Variants in USP45 observed in about 807,000 individuals in gnomAD.
The protein encoded by USP45 is ubiquitin carboxyl-terminal hydrolase 45.
In USP45, 89 loss-of-function variants were observed where a neutral mutation model predicts 95.8. The observed-to-expected ratio is 0.93, with a 90% CI of 0.78 to 1.11. USP45 has a LOEUF of 1.11. Ranked by LOEUF, USP45 falls within the 50% of genes least tolerant of loss-of-function variation. USP45 has a pLI of 0.00. For synonymous variants in USP45, 281 were observed against 316.2 expected, an observed-to-expected ratio of 0.89 and a Z score of 1.18; for missense variants, 898 against 942.5, an observed-to-expected ratio of 0.95 and a Z score of 0.62.
rs1183987057 is a variant in USP45 at position 99,435,041 on chromosome 6, TG to T, written c.*674del. 6.6e-6 allele frequency: 1 copy of T among 152,626 alleles called. No individual in the cohort carries two copies. Among genetic ancestry groups the T allele is most frequent in the African/African-American group, 2.4e-5 (1 of 41,458 alleles). The allele number at this position is 152,626 out of a possible 1,614,324, so 9.5% of individuals were successfully genotyped here. A position where few individuals can be genotyped will look rare whatever the true frequency, so the allele number is the denominator to read the frequency against. On this transcript the variant is annotated 3_prime_UTR_variant, in exon 18 of 18. Transcript: ENST00000500704. The stretch of plus-strand genomic sequence containing the variant: ...GAAATTACAGTGACACCCTTTTATA[TG>T]GTTGAATTGTATAAAATATGACCAG...
intron 16 of USP45, 120 bp from the exon 17 acceptor site, chr6:99,437,519 TC>T: frequency 9.3e-7 from 1 of 1,070,548 alleles, no homozygotes; most frequent in Non-Finnish European, 1.3e-6. Context: ...TGAGATACTT[TC>T]CATACTTACT....
chr6:99,466,644 A>G, intron 11 of USP45, 28 bp downstream of exon 11: 3 of 1,532,350 alleles, frequency 2.0e-6, no homozygotes, highest in Non-Finnish European at 2.7e-6. Flanking sequence ...AATCCATTCC[A>G]TGCTGAATTG....
chr6:99,443,366 T>A (rs946839329), intron 15 of USP45, among the ~76,000 whole-genome samples, 199 bp downstream of exon 15: 1 of 152,174 alleles, frequency 6.6e-6, no homozygotes, highest in Non-Finnish European at 1.5e-5. Context: ...CTGCCTAAAT[T>A]TTCAAATATT....
chr6:99,496,771 T>G (rs563697744), intron 5 of USP45, among the ~76,000 whole-genome samples: 53 of 152,182 alleles, frequency 3.5e-4, no homozygotes, highest in African/African-American at 1.3e-3. Flanking sequence ...AAAAAAAAAT[T>G]TTTTTTCAAG....
At chr6:99,500,810 T>C (rs1047949635) in intron 5 of USP45, among the ~76,000 whole-genome samples, 2 of 152,160 alleles carry the variant, frequency 1.3e-5, no homozygotes, top group African/African-American at 4.8e-5. Flanking sequence ...AAATGTTTGT[T>C]GAATAAGTAA....
chr6:99,445,898 T>C lies in USP45; in HGVS notation c.1874A>G (p.Tyr625Cys). The C allele has an allele frequency of 6.2e-7, 1 of 1,613,940 alleles. No individual in the cohort carries two copies. Among genetic ancestry groups the C allele is most frequent in the South Asian group, 1.1e-5 (1 of 91,040 alleles). ...SKECSIQSCLYQFTSMELLMG... is the reference protein window; with the variant it reads ...SKECSIQSCLCQFTSMELLMG... ...TAGTAATTCCATAGATGTAAACTGGTAGAGACAGGACTGAATTGAACATTC... is the reference window on the plus strand; with the variant it reads ...TAGTAATTCCATAGATGTAAACTGGCAGAGACAGGACTGAATTGAACATTC... The change falls in exon 14 of 18, where the codon TAC (tyrosine) becomes TGC (cysteine). Residue 625 changes from tyrosine (Y) to cysteine (C), a missense_variant. Coordinates refer to ENST00000500704, the MANE Select transcript of USP45 (RefSeq NM_001346022.3).
At chr6:99,479,179 CACACACAT>C (rs1257360142) in intron 8 of USP45, among the ~76,000 whole-genome samples, 35 of 141,944 alleles carry the variant, frequency 2.5e-4, no homozygotes, top group African/African-American at 8.6e-4. Context: ...CACACACACA[CACACACAT>C]ACACAAAGTG....
At chr6:99,462,854 T>C (rs4555918) in intron 13 of USP45, 91,888 of 197,866 alleles carry the variant, frequency 0.46, 22,567 homozygotes, top group Non-Finnish European at 0.53. Flanking sequence ...CATGGTGGTG[T>C]GCACATGTAG....
chr6:99,514,523 C>G (rs568854405), intron 1 of USP45, among the ~76,000 whole-genome samples: 14 of 152,292 alleles, frequency 9.2e-5, no homozygotes, highest in Non-Finnish European at 1.9e-4. Context: ...GGCCATTTTT[C>G]TCATGCGGTT....
chr6:99,459,830 T>C (rs1468400100), intron 13 of USP45, among the ~76,000 whole-genome samples: 4 of 152,142 alleles, frequency 2.6e-5, no homozygotes, highest in Admixed American at 1.3e-4. Context: ...TTTAGAAATA[T>C]TGCCCTGTCT....
rs1365637367 is a variant in USP45, at chr6:99,434,622, A to C, written c.*1094T>G. The C allele has an allele frequency of 6.6e-6, 1 of 152,224 alleles. No homozygotes were observed. The highest frequency in any genetic ancestry group is 1.9e-4 in the East Asian group (1 of 5,204). 9.4% of individuals were successfully genotyped at this position (152,224 alleles called of 1,614,324 possible). A position where few individuals can be genotyped will look rare whatever the true frequency, so the allele number is the denominator to read the frequency against. ...ATCAAAAATGCCAGCTTAATGCCCCATTAAAAGCTAAATTCACCTGAACTT... is the reference window on the plus strand; with the variant it reads ...ATCAAAAATGCCAGCTTAATGCCCCCTTAAAAGCTAAATTCACCTGAACTT... On this transcript the variant is annotated 3_prime_UTR_variant, in exon 18 of 18. Transcript: ENST00000500704.
intron 16 of USP45, among the ~76,000 whole-genome samples, chr6:99,438,021 C>T (rs1780829732): frequency 6.6e-6 from 1 of 152,184 alleles, no homozygotes; most frequent in African/African-American, 2.4e-5. Context: ...ATTCATTAAT[C>T]CTTTTTCTAG....
chr6:99,491,029 T>C (rs1795055658), intron 5 of USP45, among the ~76,000 whole-genome samples: 1 of 152,236 alleles, frequency 6.6e-6, no homozygotes, highest in Admixed American at 6.5e-5. Flanking sequence ...TGGTTGTTAT[T>C]GGAATGTGTT....
chr6:99,435,900 C>T (rs1028262889), intron 17 of USP45, 54 bp from the exon 18 acceptor site: 1 of 1,513,834 alleles, frequency 6.6e-7, no homozygotes. Flanking sequence ...TAGGTTCTTA[C>T]TCTAAATTAC....
chr6:99,460,654 C>T (rs1424000722), intron 13 of USP45: 5 of 347,032 alleles, frequency 1.4e-5, no homozygotes, highest in South Asian at 1.2e-4. Context: ...TGATAGATAC[C>T]GTAACTACAC....
Position 99,488,290 on chromosome 6 carries a change from C to G in USP45, c.624G>C (p.Leu208Phe), listed in dbSNP as rs1794437713. The part of the protein sequence containing the change: ...TCFFNAVMQN[L>F]AQTYTLTDLM... ...GATCAGTAAGAGTATAAGTCTGTGC[C>G]AAGTTCTAAAAGAAAACAAAATTAA... Residue 208 changes from leucine (L) to phenylalanine (F), a missense_variant, in exon 7 of 18, where the codon TTG (leucine) becomes TTC (phenylalanine). Coordinates refer to ENST00000500704, the MANE Select transcript of USP45 (RefSeq NM_001346022.3). 1 of 1,600,518 alleles carries G rather than the reference C, an allele frequency of 6.2e-7. No homozygotes were observed. The highest frequency in any genetic ancestry group is 8.5e-7 in the Non-Finnish European group (1 of 1,174,742).
intron 5 of USP45, among the ~76,000 whole-genome samples, chr6:99,502,940 C>T (rs1464545949): frequency 6.6e-6 from 1 of 152,198 alleles, no homozygotes; most frequent in African/African-American, 2.4e-5. Flanking sequence ...ATGACAGCAG[C>T]AGGCTTCCTG....
Position 99,445,778 on chromosome 6 carries a change from T to C in USP45, c.1975+19A>G, listed in dbSNP as rs530902790. ...CACTATCAGGAGATCAATAATTATG[T>C]AATTAAAAAAATAATTACCTGCAAA... On this transcript the variant is annotated intron_variant, in intron 14 of 17. Coordinates refer to ENST00000500704, the MANE Select transcript of USP45 (RefSeq NM_001346022.3). 4 of 1,503,822 alleles carry C rather than the reference T, an allele frequency of 2.7e-6. No homozygotes were observed. The Admixed American group carries it at 9.0e-5, about 34-fold the overall frequency. 93.2% of individuals were successfully genotyped at this position (1,503,822 alleles called of 1,614,324 possible).
intron 5 of USP45, among the ~76,000 whole-genome samples, chr6:99,492,192 C>G (rs1375246679): frequency 6.6e-6 from 1 of 152,104 alleles, no homozygotes; most frequent in Non-Finnish European, 1.5e-5. Flanking sequence ...TATGGAAAAA[C>G]AGATTTTCCC....
Sources: gnomAD v4.1 joint callset for allele counts (sites outside exome capture counted in the v4.1 genomes callset) on GRCh38, gnomAD v4.1.1 for gene constraint, MANE v1.5 for transcripts, NCBI Gene and HGNC (gene_info 2026-07-23, HGNC 2026-07-21) for gene names.